SDK2: variants seen among roughly 807,000 people sequenced by gnomAD.
SDK2 encodes the protein protein sidekick-2.
SDK2 carries 105 observed loss-of-function variants against 253.9 expected under a neutral mutation model. The observed-to-expected ratio is 0.41, with a 90% CI of 0.35 to 0.49. The LOEUF is 0.49. Among genes scored for constraint, SDK2 ranks in the 20% least tolerant of loss-of-function variants. The pLI is 0.06. For missense variants in SDK2, 2,608 were observed against 3,003.0 expected (o/e 0.87, Z 3.07); for synonymous variants, 1,249 against 1,234.9 (o/e 1.01, Z -0.24).
In SDK2 at chr17:73,381,547, G is replaced by A. The variant is rs566010630; in HGVS notation, c.4706-597C>T. On this transcript the variant is annotated intron_variant, in intron 33 of 44. Coordinates refer to ENST00000392650, the MANE Select transcript of SDK2 (RefSeq NM_001144952.2). ...GTCTGCTAACTCACTAGAAGACAAG[G>A]CACAAAAGGCTTGAGAGAACTAAGG... 1.1e-4 allele frequency among the ~76,000 whole-genome samples: 17 copies of A among 152,268 alleles called. No individual in the cohort carries two copies. The South Asian group carries it at 3.5e-3, about 32-fold the overall frequency.
At position 73,612,376 on chromosome 17, in the gene SDK2, C is replaced by T. The variant is rs2045986835; in HGVS notation, c.64+31649G>A. 6.6e-6 allele frequency among the ~76,000 whole-genome samples: 1 copy of T among 151,804 alleles called. No individual in the cohort carries two copies. Among genetic ancestry groups the T allele is most frequent in the African/African-American group, 2.4e-5 (1 of 41,326 alleles). ...GCTGCAGGCTGGCCCCGCACAGTCCCCACCCTCACCGGGTCCCTGTGGCCC... is the reference window on the plus strand; with the variant it reads ...GCTGCAGGCTGGCCCCGCACAGTCCTCACCCTCACCGGGTCCCTGTGGCCC... On this transcript the variant is annotated intron_variant, in intron 1 of 44. Coordinates refer to ENST00000392650, the MANE Select transcript of SDK2 (RefSeq NM_001144952.2). The surrounding 1 kb of genome is among the most constrained non-coding windows in gnomAD (Gnocchi z 4.4).
rs1273900197 is a variant in SDK2, at chr17:73,453,380, T to C, written c.479+2526A>G. Among the ~76,000 whole-genome samples the C allele has an allele frequency of 5.3e-5, 8 of 151,076 alleles. No homozygotes were observed. The East Asian group carries it at 5.8e-4, about 11-fold the overall frequency. On this transcript the variant is annotated intron_variant, in intron 4 of 44. Transcript: ENST00000392650. ...AGCCACTGAGCTGGGGTTTTTTTTTTTTTTCTTTTTTTTTGAGATGGAGTC... is the reference window on the plus strand; with the variant it reads ...AGCCACTGAGCTGGGGTTTTTTTTTCTTTTCTTTTTTTTTGAGATGGAGTC...
intron 1 of SDK2, among the ~76,000 whole-genome samples, chr17:73,640,389 C>T (rs1326951209): frequency 1.3e-5 from 2 of 152,078 alleles, no homozygotes; most frequent in African/African-American, 4.8e-5. Flanking sequence ...CCAGTGGAAG[C>T]ACCAAGCTGT....
intron 1 of SDK2, among the ~76,000 whole-genome samples, chr17:73,526,182 A>G (rs1429258242): frequency 1.3e-5 from 2 of 152,182 alleles, no homozygotes; most frequent in African/African-American, 4.8e-5. Flanking sequence ...AAAAGCCAGG[A>G]TGCGTGCAAG....
intron 37 of SDK2, among the ~76,000 whole-genome samples, chr17:73,367,522 C>A (rs758195908): frequency 8.6e-5 from 13 of 150,296 alleles, no homozygotes; most frequent in Non-Finnish European, 1.8e-4. Flanking sequence ...TTTTTTGGGA[C>A]AGAGTCTTAC....
chr17:73,370,546 T>C (rs1260162595), intron 36 of SDK2, among the ~76,000 whole-genome samples: 1 of 146,054 alleles, frequency 6.8e-6, no homozygotes, highest in Non-Finnish European at 1.5e-5. Context: ...CCCGGCCCTC[T>C]CTCCCATTTT....
chr17:73,605,766 C>T (rs925085295), intron 1 of SDK2, among the ~76,000 whole-genome samples: 1 of 152,130 alleles, frequency 6.6e-6, no homozygotes, highest in Non-Finnish European at 1.5e-5. Context: ...GCCAAGAGAT[C>T]GGATGCACGT....
chr17:73,606,551 G>A (rs993408328), intron 1 of SDK2, among the ~76,000 whole-genome samples: 3 of 152,192 alleles, frequency 2.0e-5, no homozygotes, highest in Non-Finnish European at 2.9e-5. Flanking sequence ...CCACGAAGGC[G>A]GGTTTCACCG....
rs2270722 is a variant in SDK2, at chr17:73,386,388, A to G, written c.4498+57T>C. ...CCCTCCCCCCGTAAGAAAATGCCCCATGCCCAGGAAGCAGCCAGTGGGCTG... is the reference window on the plus strand; with the variant it reads ...CCCTCCCCCCGTAAGAAAATGCCCCGTGCCCAGGAAGCAGCCAGTGGGCTG... On this transcript the variant is annotated intron_variant, in intron 31 of 44. Transcript: ENST00000392650. 5,859 of 1,266,962 alleles carry G rather than the reference A, an allele frequency of 4.6e-3. 166 individuals are homozygous for G. In the East Asian group the frequency reaches 0.079, roughly 17 times the overall value. 78.5% of individuals were successfully genotyped at this position (1,266,962 alleles called of 1,614,324 possible). A position where few individuals can be genotyped will look rare whatever the true frequency, so the allele number is the denominator to read the frequency against.
intron 1 of SDK2, among the ~76,000 whole-genome samples, chr17:73,590,377 G>T (rs1221407516): frequency 2.0e-5 from 3 of 152,220 alleles, no homozygotes; most frequent in Admixed American, 2.0e-4. Context: ...ATGCTGGAAA[G>T]CTCAAAGGTC....
intron 1 of SDK2, among the ~76,000 whole-genome samples, chr17:73,625,024 G>A (rs998294885): frequency 4.6e-5 from 7 of 152,300 alleles, no homozygotes; most frequent in Admixed American, 1.3e-4. Flanking sequence ...TTTGATAGAC[G>A]AAGTAACTGA....
At chr17:73,476,761 C>T (rs1170064868) in intron 2 of SDK2, among the ~76,000 whole-genome samples, 1 of 152,184 alleles carries the variant, frequency 6.6e-6, no homozygotes, top group Non-Finnish European at 1.5e-5. Context: ...AGGACTATGT[C>T]TATTTGCTTC....
intron 6 of SDK2, among the ~76,000 whole-genome samples, chr17:73,439,849 T>A (rs2063399988): frequency 6.6e-6 from 1 of 152,162 alleles, no homozygotes; most frequent in South Asian, 2.1e-4. Context: ...ATCATCCAGC[T>A]GGGTGACGTT....
intron 1 of SDK2, among the ~76,000 whole-genome samples, chr17:73,590,173 T>C (rs2045662904): frequency 6.6e-6 from 1 of 152,178 alleles, no homozygotes; most frequent in African/African-American, 2.4e-5. Context: ...AGAAGACATT[T>C]AGCAAGACGA....
chr17:73,634,167 C>T (rs937873786), intron 1 of SDK2, among the ~76,000 whole-genome samples: 10 of 152,142 alleles, frequency 6.6e-5, no homozygotes, highest in African/African-American at 2.4e-4. Flanking sequence ...GCCCAGGGTG[C>T]CCCCTGTGTC....
Position 73,472,174 on chromosome 17 carries a change from C to T in SDK2, c.269G>A (p.Arg90His), listed in dbSNP as rs574582614. Residue 90 changes from arginine to histidine, a missense_variant, in exon 3 of 45, where the codon CGT becomes CAT. Coordinates refer to ENST00000392650, the MANE Select transcript of SDK2 (RefSeq NM_001144952.2). ...CCCCATTCGGTTCCGCACGATGCAA[C>T]GGTAAAAGCCAGCGTGGGTGCGGTC... ...SLDRTHAGFY[R>H]CIVRNRMGAL... The T allele has an allele frequency of 4.6e-5, 71 of 1,551,676 alleles. No individual in the cohort carries two copies. The highest frequency in any genetic ancestry group is 1.7e-4 in the Middle Eastern group (1 of 5,992).
At chr17:73,530,328 T>C (rs1330041661) in intron 1 of SDK2, among the ~76,000 whole-genome samples, 1 of 152,164 alleles carries the variant, frequency 6.6e-6, no homozygotes, top group Non-Finnish European at 1.5e-5. Flanking sequence ...TCTTACATGG[T>C]AGCAGGAGAG....
At position 73,620,732 on chromosome 17, in the gene SDK2, CATT is replaced by C. The variant is rs562352651; in HGVS notation, c.64+23290_64+23292del. ...CTTCAACACGGATGGACCTTGAAAACATTATGCTCAGTAAAAGAAGCCAGATAC... is the reference window on the plus strand; with the variant it reads ...CTTCAACACGGATGGACCTTGAAAACATGCTCAGTAAAAGAAGCCAGATAC... On this transcript the variant is annotated intron_variant, in intron 1 of 44. Coordinates refer to ENST00000392650, the MANE Select transcript of SDK2 (RefSeq NM_001144952.2). 3.3e-5 allele frequency among the ~76,000 whole-genome samples: 5 copies of C among 152,288 alleles called. No homozygotes were observed. The East Asian group carries it at 7.7e-4, about 23-fold the overall frequency.
At chr17:73,438,567 G>A (rs914175318) in intron 6 of SDK2, among the ~76,000 whole-genome samples, 1 of 152,194 alleles carries the variant, frequency 6.6e-6, no homozygotes, top group African/African-American at 2.4e-5. Context: ...AGATGAAGGT[G>A]AGGGCAAGTG....
Sources: gnomAD v4.1 joint callset for allele counts (sites outside exome capture counted in the v4.1 genomes callset) on GRCh38, gnomAD v4.1.1 for gene constraint, Gnocchi (gnomAD v3.1) non-coding constraint, MANE v1.5 for transcripts, NCBI Gene and HGNC (gene_info 2026-07-23, HGNC 2026-07-21) for gene names.